The following NR2C1 variants were observed in gnomAD, a reference collection of about 807,000 sequenced individuals.
NR2C1 encodes the protein TR2 nuclear hormone receptor.
Under a neutral mutation model 74.8 loss-of-function variants are expected in NR2C1, and 33 were observed. The ratio of observed to expected loss-of-function variants is 0.44; its 90% confidence interval spans 0.33 to 0.59. The LOEUF is 0.59. Ranked by LOEUF, NR2C1 falls within the 20% of genes least tolerant of loss-of-function variation. The pLI is 0.02. For missense variants in NR2C1, 568 were observed against 715.6 expected (o/e 0.79, Z 2.35); for synonymous variants, 225 against 240.6 (o/e 0.94, Z 0.60).
chr12:95,048,557 T>C (rs166066), intron 9 of NR2C1, among the ~76,000 whole-genome samples: 18,680 of 152,156 alleles, frequency 0.12, 1,486 homozygotes, highest in Non-Finnish European at 0.18. Flanking sequence ...CATGCCCAGC[T>C]TATTCAGTAT....
At chr12:95,058,547 C>CAT (rs1447511171) in intron 4 of NR2C1, 58 bp from the exon 5 acceptor site, 1 of 1,381,994 alleles carries the variant, frequency 7.2e-7, no homozygotes, top group Non-Finnish European at 1.0e-6. Flanking sequence ...ACAGAAATGA[C>CAT]ATAAGCCAAT....
At chr12:95,061,922 T>C (rs1175071489) in intron 3 of NR2C1, among the ~76,000 whole-genome samples, 1 of 152,246 alleles carries the variant, frequency 6.6e-6, no homozygotes, top group Non-Finnish European at 1.5e-5. Flanking sequence ...CATATACTAC[T>C]TCATTCCAGA....
chr12:95,073,313 G>T (rs1316272300), intron 1 of NR2C1, 67 bp downstream of exon 1: 1 of 152,262 alleles, frequency 6.6e-6, no homozygotes, highest in African/African-American at 2.4e-5. Flanking sequence ...TGGCGGTTGG[G>T]GTGAAGGGCA....
chr12:95,059,833 T>C (rs1157500283), intron 4 of NR2C1, 73 bp downstream of exon 4: 2 of 1,033,046 alleles, frequency 1.9e-6, no homozygotes, highest in African/African-American at 1.6e-5. Context: ...AGTGTGGTAG[T>C]TATTTCAACA....
At position 95,028,341 on chromosome 12, in the gene NR2C1, C is replaced by T. The variant is rs769942638; in HGVS notation, c.1531+46G>A. 1.1e-5 allele frequency: 17 copies of T among 1,522,948 alleles called. No individual in the cohort carries two copies. In the South Asian group the frequency reaches 1.8e-4, roughly 16 times the overall value. 94.3% of individuals were successfully genotyped at this position (1,522,948 alleles called of 1,614,324 possible). On this transcript the variant is annotated intron_variant, in intron 12 of 13. Transcript: ENST00000333003. ...ACATATGAGGGCTTCTATTTCTCCA[C>T]ATCGTGAAACATTTTATTTTGAATA...
At chr12:95,051,664 T>C in intron 8 of NR2C1, 98 bp downstream of exon 8, 1 of 1,078,766 alleles carries the variant, frequency 9.3e-7, no homozygotes. Flanking sequence ...GTATTTGTTT[T>C]CTGAAACTTT....
At chr12:95,031,578 A>G in intron 10 of NR2C1, 90 bp from the exon 11 acceptor site, 5 of 920,740 alleles carry the variant, frequency 5.4e-6, no homozygotes, top group Non-Finnish European at 7.5e-6. Flanking sequence ...TAAAAACAGC[A>G]TATTACTAAA....
At chr12:95,030,466 C>T in intron 11 of NR2C1, 1 of 1,480,034 alleles carries the variant, frequency 6.8e-7, no homozygotes, top group Non-Finnish European at 8.9e-7. Flanking sequence ...AAAACCCATC[C>T]ATTAGTAATT....
At position 95,022,422 on chromosome 12, in the gene NR2C1, A is replaced by C. The variant is rs759784200; in HGVS notation, c.1638-19T>G. On this transcript the variant is annotated intron_variant, in intron 13 of 13. Coordinates refer to ENST00000333003, the MANE Select transcript of NR2C1 (RefSeq NM_003297.4). ...GGATAACCTAAAAAAAGAAAGAAAAAAGGGAGAGGAACAAGGTTGTAAACC... is the reference window on the plus strand; with the variant it reads ...GGATAACCTAAAAAAAGAAAGAAAACAGGGAGAGGAACAAGGTTGTAAACC... The C allele has an allele frequency of 6.3e-7, 1 of 1,586,614 alleles. No homozygotes were observed. Among genetic ancestry groups the C allele is most frequent in the Non-Finnish European group, 8.5e-7 (1 of 1,170,216 alleles).
intron 10 of NR2C1, among the ~76,000 whole-genome samples, chr12:95,031,913 G>C (rs1435687776): frequency 2.0e-5 from 3 of 152,204 alleles, no homozygotes; most frequent in African/African-American, 7.2e-5. Context: ...TGTTGCCCAG[G>C]CTGGAGTGCA....
chr12:95,057,098 ATTTTTTTTTTTTTTT>A (rs1184465413), intron 7 of NR2C1, among the ~76,000 whole-genome samples: 1 of 111,560 alleles, frequency 9.0e-6, no homozygotes, highest in African/African-American at 3.4e-5. Context: ...AACATTTCTG[ATTTTTTTTTTTTTTT>A]TTTTTTTTGA....
intron 1 of NR2C1, among the ~76,000 whole-genome samples, chr12:95,072,127 T>C (rs1876728830): frequency 6.9e-6 from 1 of 144,694 alleles, no homozygotes; most frequent in Non-Finnish European, 1.5e-5. Flanking sequence ...TTAAAAACAA[T>C]CATCGGCCGG....
chr12:95,025,171 GT>G lies in NR2C1; in HGVS notation c.1615del (p.Thr539HisfsTer19). On this transcript the variant is annotated frameshift_variant, in exon 13 of 14. Transcript: ENST00000333003. LOFTEE classifies it high-confidence loss of function. ...ATACCTGTAGGTGTCATCTGGATAT[GT>G]TTTGGTTATATAATCTTGGAATTCC... ...YVEFQDYITK[T>X]YPDDTYRLSR... 6.4e-7 allele frequency: 1 copy of G among 1,573,566 alleles called. No individual in the cohort carries two copies. The highest frequency in any genetic ancestry group is 8.7e-7 in the Non-Finnish European group (1 of 1,145,898).
chr12:95,042,455 C>T (rs925343160), intron 9 of NR2C1, among the ~76,000 whole-genome samples: 3 of 151,892 alleles, frequency 2.0e-5, no homozygotes, highest in South Asian at 2.1e-4. Context: ...TCAGGTGATC[C>T]GCCCGCCTGG....
chr12:95,069,966 C>T (rs930225191), intron 1 of NR2C1, among the ~76,000 whole-genome samples: 4 of 152,076 alleles, frequency 2.6e-5, no homozygotes, highest in Non-Finnish European at 5.9e-5. Context: ...TGGTCTCTAC[C>T]CTGAAGAGAT....
At chr12:95,046,289 T>A (rs1872303020) in intron 9 of NR2C1, among the ~76,000 whole-genome samples, 1 of 152,204 alleles carries the variant, frequency 6.6e-6, no homozygotes, top group African/African-American at 2.4e-5. Flanking sequence ...CAAATGAGAA[T>A]AAAAATTCTA....
At chr12:95,067,310 T>C (rs1875860030) in intron 2 of NR2C1, 21 bp downstream of exon 2, 2 of 1,608,272 alleles carry the variant, frequency 1.2e-6, no homozygotes, top group African/African-American at 1.3e-5. Flanking sequence ...GGCCAGTGCA[T>C]CAACCGTAAA....
At position 95,025,224 on chromosome 12, in the gene NR2C1, T is replaced by C. The variant is rs773189567; in HGVS notation, c.1563A>G (p.Ile521Met). The C allele has an allele frequency of 6.2e-7, 1 of 1,604,834 alleles. No homozygotes were observed. Among genetic ancestry groups the C allele is most frequent in the Non-Finnish European group, 8.5e-7 (1 of 1,173,060 alleles). The change falls in exon 13 of 14, where the codon ATA becomes ATG. Residue 521 changes from isoleucine (I) to methionine (M), a missense_variant. Ile to Met is a conservative substitution (Grantham distance 10). Coordinates refer to ENST00000333003, the MANE Select transcript of NR2C1 (RefSeq NM_003297.4). ...DHPSLENMEQ[I>M]EKFQEKAYVE... ...CATAAGCCTTTTCCTGAAATTTCTCTATCTGTTCCATGTTTTCTAGGCTTG... is the reference window on the plus strand; with the variant it reads ...CATAAGCCTTTTCCTGAAATTTCTCCATCTGTTCCATGTTTTCTAGGCTTG...
chr12:95,071,940 G>A (rs1876700710), intron 1 of NR2C1, among the ~76,000 whole-genome samples: 1 of 150,874 alleles, frequency 6.6e-6, no homozygotes, highest in South Asian at 2.1e-4. Flanking sequence ...TAGAAACGGG[G>A]TTTCTCCATG....
Sources: gnomAD v4.1 joint callset for allele counts (sites outside exome capture counted in the v4.1 genomes callset) on GRCh38, gnomAD v4.1.1 for gene constraint, MANE v1.5 for transcripts, NCBI Gene and HGNC (gene_info 2026-07-23, HGNC 2026-07-21) for gene names.